Variants in AQR observed in about 807,000 individuals in gnomAD.
The protein encoded by AQR is RNA helicase aquarius.
AQR carries 61 observed loss-of-function variants against 180.5 expected under a neutral mutation model. The observed-to-expected ratio is 0.34, with a 90% CI of 0.28 to 0.42. The LOEUF (loss-of-function observed/expected upper bound fraction) is 0.42, where lower values mean the gene tolerates loss of function less well. Ranked by LOEUF, AQR falls within the 10% of genes least tolerant of loss-of-function variation. AQR has a pLI of 1.00. For synonymous variants in AQR, 551 were observed against 588.8 expected (o/e 0.94, Z 0.93); for missense variants, 1,281 against 1,798.3 (o/e 0.71, Z 5.20).
intron 4 of AQR, among the ~76,000 whole-genome samples, chr15:34,952,453 T>A (rs529415961): frequency 6.6e-6 from 1 of 152,354 alleles, no homozygotes; most frequent in East Asian, 1.9e-4. Context: ...TGCAACATAA[T>A]CTAATCTACC....
Position 34,900,877 on chromosome 15 carries a change from G to A in AQR, c.2002-14C>T. On this transcript the variant is annotated splice_polypyrimidine_tract_variant and intron_variant, in intron 19 of 34. Coordinates refer to ENST00000156471, the MANE Select transcript of AQR (RefSeq NM_014691.3). ...CTCCAGCACAGCCTGTCAGTAAAAG[G>A]ACAGAAAAAGATTGTGTCAGTATGA... 1 of 1,573,376 alleles carries A rather than the reference G, an allele frequency of 6.4e-7. No homozygotes were observed. The highest frequency in any genetic ancestry group is 1.8e-5 in the Admixed American group (1 of 56,298).
chr15:34,878,077 CT>C (rs1892912572), intron 27 of AQR, among the ~76,000 whole-genome samples: 1 of 152,070 alleles, frequency 6.6e-6, no homozygotes, highest in Non-Finnish European at 1.5e-5. Context: ...TTGAGTCACC[CT>C]TTCTCAACTA....
At chr15:34,908,986 G>C (rs1893459382) in intron 17 of AQR, among the ~76,000 whole-genome samples, 1 of 147,230 alleles carries the variant, frequency 6.8e-6, no homozygotes, top group Non-Finnish European at 1.5e-5. Flanking sequence ...CATTAGTCTA[G>C]ATGAGTAATA....
intron 15 of AQR, 99 bp from the exon 16 acceptor site, chr15:34,915,278 C>T: frequency 3.4e-6 from 4 of 1,190,034 alleles, no homozygotes; most frequent in Admixed American, 3.1e-5. Flanking sequence ...GCAACCTCCG[C>T]CTCCCAGATT....
intron 15 of AQR, among the ~76,000 whole-genome samples, chr15:34,917,705 A>G (rs1893616257): frequency 6.6e-6 from 1 of 151,964 alleles, no homozygotes; most frequent in South Asian, 2.1e-4. Context: ...TCTTATGGTC[A>G]GCTGCAGTGG....
intron 3 of AQR, among the ~76,000 whole-genome samples, chr15:34,957,146 T>C (rs1187013483): frequency 7.8e-6 from 1 of 128,266 alleles, no homozygotes; most frequent in Non-Finnish European, 1.8e-5. Flanking sequence ...CCTAAAAAAC[T>C]GGTCATTTAA....
intron 12 of AQR, 142 bp downstream of exon 12, chr15:34,930,116 T>C: frequency 2.0e-6 from 1 of 495,242 alleles, no homozygotes; most frequent in South Asian, 4.2e-5. Flanking sequence ...CAAGAATTCA[T>C]TGGAAAAAGA....
At chr15:34,912,253 A>T (rs1893512081) in intron 16 of AQR, among the ~76,000 whole-genome samples, 1 of 152,086 alleles carries the variant, frequency 6.6e-6, no homozygotes, top group African/African-American at 2.4e-5. Context: ...TTAGCTATTC[A>T]GGGTCTCTTC....
chr15:34,881,658 C>T (rs1892975155), intron 27 of AQR, among the ~76,000 whole-genome samples: 1 of 152,140 alleles, frequency 6.6e-6, no homozygotes, highest in African/African-American at 2.4e-5. Flanking sequence ...ATTTTAATAT[C>T]TCATTTTGCA....
At chr15:34,893,587 C>CCATGTG in intron 23 of AQR, 76 bp downstream of exon 23, 1 of 1,264,160 alleles carries the variant, frequency 7.9e-7, no homozygotes, top group East Asian at 2.4e-5. Flanking sequence ...ACCTGCATAC[C>CCATGTG]CATGTGCATG....
At chr15:34,965,420 C>T (rs1319657790) in intron 1 of AQR, among the ~76,000 whole-genome samples, 1 of 152,140 alleles carries the variant, frequency 6.6e-6, no homozygotes, top group Non-Finnish European at 1.5e-5. Flanking sequence ...CCTGTAATCT[C>T]AGAACTTTGG....
chr15:34,899,711 G>T (rs977869533), intron 20 of AQR, among the ~76,000 whole-genome samples: 1 of 151,690 alleles, frequency 6.6e-6, no homozygotes, highest in Non-Finnish European at 1.5e-5. Context: ...AAAGCTGTGT[G>T]TTTTCTAATT....
At position 34,963,165 on chromosome 15, in the gene AQR, A is replaced by C. The variant is rs111392940; in HGVS notation, c.132+1069T>G. Among the ~76,000 whole-genome samples, 23 of 151,604 alleles carry C rather than the reference A, an allele frequency of 1.5e-4. 1 individual carries two copies. Among genetic ancestry groups the C allele is most frequent in the South Asian group, 4.2e-4 (2 of 4,780 alleles). On this transcript the variant is annotated intron_variant, in intron 2 of 34. Coordinates refer to ENST00000156471, the MANE Select transcript of AQR (RefSeq NM_014691.3). ...AGCCAATTTTTTTAATTTTTTTGTA[A>C]AGGCGAGATCTCACTACTGTCCAGT...
chr15:34,926,493 C>T (rs77448396), intron 13 of AQR, among the ~76,000 whole-genome samples: 2,754 of 152,190 alleles, frequency 0.018, 75 homozygotes, highest in African/African-American at 0.058. Flanking sequence ...ATTCTATGCC[C>T]CAGATACCTT....
At chr15:34,929,131 T>A (rs1428172778) in intron 12 of AQR, among the ~76,000 whole-genome samples, 12 of 152,196 alleles carry the variant, frequency 7.9e-5, no homozygotes, top group African/African-American at 2.7e-4. Context: ...TTTCTCCCAT[T>A]CTGTAGGTTG....
At chr15:34,947,508 A>T (rs1306040450) in intron 5 of AQR, among the ~76,000 whole-genome samples, 25 of 136,934 alleles carry the variant, frequency 1.8e-4, no homozygotes, top group Admixed American at 4.3e-4. Flanking sequence ...AATGATCAAT[A>T]AAAAAAATAA....
Position 34,854,846 on chromosome 15 carries a change from C to T in AQR, c.*1946G>A, listed in dbSNP as rs1248774735. 6.6e-6 allele frequency: 1 copy of T among 152,172 alleles called. No individual in the cohort carries two copies. The highest frequency in any genetic ancestry group is 1.5e-5 in the Non-Finnish European group (1 of 68,028). 9.4% of individuals were successfully genotyped at this position (152,172 alleles called of 1,614,324 possible). On this transcript the variant is annotated 3_prime_UTR_variant, in exon 35 of 35. Transcript: ENST00000156471. ...CTTATTTTGGTTGCAGGTATCATAC[C>T]TCATATCCCCTAAGGGAGAGAGAAA...
intron 2 of AQR, among the ~76,000 whole-genome samples, chr15:34,963,874 A>AG (rs36047586): frequency 0.77 from 116,287 of 151,014 alleles, 45,423 homozygotes; most frequent in Middle Eastern, 0.87. Context: ...CGTGTTGGTC[A>AG]GATGGTCTCG....
At chr15:34,904,555 T>G (rs144988539) in intron 18 of AQR, 50 bp from the exon 19 acceptor site, 4 of 1,496,762 alleles carry the variant, frequency 2.7e-6, no homozygotes, top group African/African-American at 2.9e-5. Context: ...TTTTCAAATA[T>G]CAAAATAAGT....
Sources: allele counts gnomAD v4.1 joint callset (sites outside exome capture counted in the v4.1 genomes callset), GRCh38; gene constraint gnomAD v4.1.1; transcripts MANE v1.5; gene names NCBI Gene and HGNC (gene_info 2026-07-23, HGNC 2026-07-21).